Variants in SPACA7 observed in about 807,000 individuals in gnomAD.
SPACA7 encodes the protein sperm acrosome associated 7.
In SPACA7, 19 loss-of-function variants were observed where a neutral mutation model predicts 26.3. The ratio of observed to expected loss-of-function variants is 0.72; its 90% CI spans 0.50 to 1.06. The LOEUF is 1.06. Among genes scored for constraint, SPACA7 ranks in the 50% least tolerant of loss-of-function variants. The probability of loss-of-function intolerance (pLI) is 0.00; values close to 1 mark genes in which losing one functional copy is unlikely to be tolerated. For synonymous variants in SPACA7, 84 were observed against 84.5 expected (o/e 0.99, Z 0.04); for missense variants, 211 against 229.9 (o/e 0.92, Z 0.53).
chr13:112,394,747 A>G (rs908797772), intron 2 of SPACA7, among the ~76,000 whole-genome samples: 1 of 152,226 alleles, frequency 6.6e-6, no homozygotes, highest in African/African-American at 2.4e-5. Context: ...GGCGGGTGCC[A>G]GATTCTGAGA....
chr13:112,406,438 T>C (rs1479702952), intron 5 of SPACA7, among the ~76,000 whole-genome samples: 1 of 152,232 alleles, frequency 6.6e-6, no homozygotes, highest in African/African-American at 2.4e-5. Flanking sequence ...TCTCTCTTTT[T>C]AAGGCCAAGT....
chr13:112,428,567 G>A (rs12430242), intron 5 of SPACA7, among the ~76,000 whole-genome samples: 110 of 152,062 alleles, frequency 7.2e-4, no homozygotes, highest in Non-Finnish European at 9.6e-4. Context: ...GTGACAAAGC[G>A]AGACTCTATC....
At chr13:112,377,827 T>C (rs1242822601) in intron 1 of SPACA7, among the ~76,000 whole-genome samples, 2 of 152,190 alleles carry the variant, frequency 1.3e-5, no homozygotes, top group Admixed American at 6.5e-5. Flanking sequence ...GGATGTGTGC[T>C]GGATGGTACA....
intron 5 of SPACA7, among the ~76,000 whole-genome samples, chr13:112,428,826 G>C (rs1377421470): frequency 6.6e-6 from 1 of 152,120 alleles, no homozygotes; most frequent in African/African-American, 2.4e-5. Flanking sequence ...ATACTGTTAA[G>C]AGGTGGACTG....
At chr13:112,377,116 G>T (rs926941239) in intron 1 of SPACA7, among the ~76,000 whole-genome samples, 2 of 152,182 alleles carry the variant, frequency 1.3e-5, no homozygotes, top group East Asian at 3.8e-4. Flanking sequence ...CAAGGATCAG[G>T]GTGGGTCAGT....
At chr13:112,386,457 T>C (rs1049538379) in intron 1 of SPACA7, among the ~76,000 whole-genome samples, 12 of 152,214 alleles carry the variant, frequency 7.9e-5, no homozygotes, top group Non-Finnish European at 1.8e-4. Context: ...TTTTAATTCC[T>C]GGGGTTTCAT....
In SPACA7 at chr13:112,397,002, T is replaced by C. The variant is rs140725683; in HGVS notation, c.152-1047T>C. On this transcript the variant is annotated intron_variant, in intron 2 of 6. Transcript: ENST00000283550. ...GTAGACTCCTCCTACCTTACAGGCC[T>C]GTAGCCCACCCGGCTGCAGGGGGCC... Among the ~76,000 whole-genome samples, 224 of 152,322 alleles carry C rather than the reference T, an allele frequency of 1.5e-3. 3 individuals are homozygous for C. Among genetic ancestry groups the C allele is most frequent in the African/African-American group, 5.3e-3 (220 of 41,568 alleles).
At chr13:112,385,713 A>G (rs560365882) in intron 1 of SPACA7, among the ~76,000 whole-genome samples, 109 of 152,368 alleles carry the variant, frequency 7.2e-4, no homozygotes, top group African/African-American at 2.4e-3. Context: ...TAATTTTTAA[A>G]ACTGCTTTTA....
chr13:112,406,321 G>T (rs1484291131), intron 5 of SPACA7, among the ~76,000 whole-genome samples: 1 of 152,240 alleles, frequency 6.6e-6, no homozygotes, highest in East Asian at 1.9e-4. Context: ...CTAGTCAGGT[G>T]CCTCATATAA....
intron 1 of SPACA7, chr13:112,382,582 G>A: frequency 6.6e-7 from 1 of 1,506,062 alleles, no homozygotes; most frequent in Admixed American, 2.3e-5. Context: ...AGGCTTGTGT[G>A]GTAAAAACAT....
intron 5 of SPACA7, among the ~76,000 whole-genome samples, chr13:112,431,731 G>A (rs141613976): frequency 7.5e-4 from 114 of 152,326 alleles, no homozygotes; most frequent in Admixed American, 3.9e-3. Flanking sequence ...AGAGAGGTGG[G>A]TCCTCCTGGT....
chr13:112,403,012 T>C (rs1289047226), intron 5 of SPACA7, among the ~76,000 whole-genome samples: 1 of 152,094 alleles, frequency 6.6e-6, no homozygotes, highest in African/African-American at 2.4e-5. Context: ...AAAAAATTTA[T>C]AATAAAAATT....
chr13:112,409,658 A>G (rs939633149), intron 5 of SPACA7, among the ~76,000 whole-genome samples: 3 of 152,256 alleles, frequency 2.0e-5, no homozygotes, highest in African/African-American at 7.2e-5. Context: ...AATCAAAACC[A>G]CAATAAGATA....
intron 4 of SPACA7, among the ~76,000 whole-genome samples, chr13:112,400,511 A>G (rs1463726966): frequency 1.3e-5 from 2 of 152,118 alleles, no homozygotes; most frequent in South Asian, 2.1e-4. Flanking sequence ...AGGGATTACT[A>G]TAGTCTGTGG....
chr13:112,430,079 G>T (rs1488145841), intron 5 of SPACA7, among the ~76,000 whole-genome samples: 1 of 152,032 alleles, frequency 6.6e-6, no homozygotes, highest in South Asian at 2.1e-4. Flanking sequence ...CTGTTCAGTT[G>T]TGTGGTCCTT....
chr13:112,382,338 T>C, intron 1 of SPACA7: 1 of 1,343,816 alleles, frequency 7.4e-7, no homozygotes, highest in Non-Finnish European at 1.0e-6. Flanking sequence ...GACCTCATGG[T>C]CCGCCCGCCT....
chr13:112,433,862 A>G lies in SPACA7; in HGVS notation c.524-623A>G, dbSNP rs61331755. On this transcript the variant is annotated intron_variant, in intron 6 of 6. Transcript: ENST00000283550. Reference sequence around the variant, plus strand: ...TACGGCCAATATCCCAGATTGTGCCACTGTCCAGGACAACCTCTGCTGCTT... The same window carrying G: ...TACGGCCAATATCCCAGATTGTGCCGCTGTCCAGGACAACCTCTGCTGCTT... Among the ~76,000 whole-genome samples, 1,126 of 145,500 alleles carry G rather than the reference A, an allele frequency of 7.7e-3. 18 individuals are homozygous for G. The highest frequency in any genetic ancestry group is 0.027 in the African/African-American group (985 of 36,934).
intron 6 of SPACA7, 51 bp from the exon 7 acceptor site, chr13:112,434,434 T>A: frequency 6.7e-7 from 1 of 1,498,034 alleles, no homozygotes; most frequent in East Asian, 2.4e-5. Context: ...AGTGCCTCCA[T>A]CTCCCTCATA....
intron 1 of SPACA7, among the ~76,000 whole-genome samples, chr13:112,388,533 G>A (rs1884676540): frequency 6.6e-6 from 1 of 152,224 alleles, no homozygotes; most frequent in Admixed American, 6.5e-5. Context: ...CTAGGAAGCT[G>A]CTTGGGCTGG....
Sources: gnomAD v4.1 joint callset for allele counts (sites outside exome capture counted in the v4.1 genomes callset) on GRCh38, gnomAD v4.1.1 for gene constraint, MANE v1.5 for transcripts, NCBI Gene and HGNC (gene_info 2026-07-23, HGNC 2026-07-21) for gene names.